Variants in TG observed in about 807,000 individuals in gnomAD.
TG encodes the protein thyroglobulin, also known as thyroid hormones.
TG carries 270 observed loss-of-function variants against 324.7 expected under a neutral mutation model. The observed-to-expected ratio is 0.83, with a 90% CI of 0.75 to 0.92. The LOEUF (loss-of-function observed/expected upper bound fraction) is 0.92. Ranked by LOEUF, TG falls within the 40% of genes least tolerant of loss-of-function variation. The pLI, the probability that TG is intolerant of heterozygous loss-of-function variation, is 0.00. For synonymous variants in TG, 1,401 were observed against 1,327.0 expected (o/e 1.06, Z -1.21); for missense variants, 3,591 against 3,456.4 (o/e 1.04, Z -0.98).
intron 45 of TG, among the ~76,000 whole-genome samples, chr8:133,129,110 C>T (rs1406908741): frequency 6.6e-6 from 1 of 152,242 alleles, no homozygotes; most frequent in East Asian, 1.9e-4. Context: ...CAGATTCCCT[C>T]TTCAGAGGCT....
intron 5 of TG, among the ~76,000 whole-genome samples, chr8:132,874,751 G>T (rs1839805075): frequency 6.6e-6 from 1 of 152,178 alleles, no homozygotes; most frequent in Non-Finnish European, 1.5e-5. Context: ...AGTTGAACAT[G>T]AGAAGTTTCA....
chr8:132,886,933 C>A lies in TG; in HGVS notation c.1561C>A (p.Pro521Thr). ...AGGGAGACAAGAAGATTTGGCCAAG[C>A]CACTCTCTGTGGGATTAGATTCAAA... ...NGGRQEDLAK[P>T]LSVGLDSNSS... Residue 521 changes from proline (P) to threonine (T), a missense_variant, in exon 9 of 48, where the codon CCA becomes ACA. Physicochemically the swap from Pro to Thr is conservative, Grantham distance 38 (BLOSUM62 -1). Coordinates refer to ENST00000220616, the MANE Select transcript of TG (RefSeq NM_003235.5). 1 of 1,614,156 alleles carries A rather than the reference C, an allele frequency of 6.2e-7. No individual in the cohort carries two copies. Among genetic ancestry groups the A allele is most frequent in the Non-Finnish European group, 8.5e-7 (1 of 1,180,044 alleles).
Position 133,113,432 on chromosome 8 carries a change from A to G in TG, c.7583A>G (p.Glu2528Gly). The G allele has an allele frequency of 6.2e-7, 1 of 1,613,934 alleles. No individual in the cohort carries two copies. The highest frequency in any genetic ancestry group is 8.5e-7 in the Non-Finnish European group (1 of 1,179,990). Reference sequence around the variant, plus strand: ...TTTTTTTTTTTCTAGCAATTTGAGGAAAGTCGAGGCCGGACCAGTAGCAAA... The same window carrying G: ...TTTTTTTTTTTCTAGCAATTTGAGGGAAGTCGAGGCCGGACCAGTAGCAAA... ...NRAKAVKQFE[E>G]SRGRTSSKTA... The change falls in exon 44 of 48, where the codon GAA becomes GGA. Residue 2528 changes from glutamate (E) to glycine (G), a missense_variant. Glu to Gly is a moderately conservative substitution (Grantham distance 98). Coordinates refer to ENST00000220616, the MANE Select transcript of TG (RefSeq NM_003235.5).
intron 41 of TG, among the ~76,000 whole-genome samples, chr8:133,068,365 G>A (rs1293410174): frequency 6.6e-6 from 1 of 152,220 alleles, no homozygotes; most frequent in Admixed American, 6.5e-5. Flanking sequence ...CTAACAGAGA[G>A]GCTGGGCTTT....
chr8:133,093,929 C>G (rs754092309), intron 41 of TG, among the ~76,000 whole-genome samples: 1 of 152,116 alleles, frequency 6.6e-6, no homozygotes, highest in Non-Finnish European at 1.5e-5. Context: ...GTGAGTTTGT[C>G]GGAGCCCTCA....
intron 35 of TG, among the ~76,000 whole-genome samples, chr8:133,006,171 C>T (rs1424837166): frequency 1.3e-5 from 2 of 152,194 alleles, no homozygotes; most frequent in Non-Finnish European, 2.9e-5. Flanking sequence ...AAGGGACTTG[C>T]CTGAGGACAC....
intron 21 of TG, among the ~76,000 whole-genome samples, chr8:132,920,173 T>C (rs1820912317): frequency 6.6e-6 from 1 of 152,228 alleles, no homozygotes. Context: ...TATGTATGGG[T>C]GGCCTTCCCA....
At chr8:133,110,828 C>G (rs1850193044) in intron 43 of TG, among the ~76,000 whole-genome samples, 1 of 152,210 alleles carries the variant, frequency 6.6e-6, no homozygotes, top group African/African-American at 2.4e-5. Context: ...GTTGCCAGCT[C>G]CAGGCCATTG....
rs757130341 is a variant in TG, at chr8:132,922,766, A to G, written c.4529-572A>G. ...ACTGTGCCCTCACATGCTGGGAGGA[A>G]CAAATGAGCCCCCTTGGGCCTCTTT... On this transcript the variant is annotated intron_variant, in intron 21 of 47. Coordinates refer to ENST00000220616, the MANE Select transcript of TG (RefSeq NM_003235.5). 2.8e-4 allele frequency among the ~76,000 whole-genome samples: 42 copies of G among 152,206 alleles called. 1 individual carries two copies. The highest frequency in any genetic ancestry group is 1.5e-4 in the Non-Finnish European group (10 of 68,042).
chr8:133,131,236 G>A (rs990835376), intron 45 of TG, among the ~76,000 whole-genome samples: 11 of 152,198 alleles, frequency 7.2e-5, no homozygotes, highest in African/African-American at 2.7e-4. Context: ...CACTGGACTG[G>A]CTTCCAAGTC....
Position 133,011,941 on chromosome 8 carries a change from G to A in TG, c.6303G>A (p.Val2101=). The change falls in exon 36 of 48, where the codon GTG becomes GTA. Residue 2101 remains valine (V), a synonymous_variant. Transcript: ENST00000220616. ...GGCAGTCCCTGGCCCTCTCTTCAGT[G>A]GTTGTTGATCCATCCATTAGGCACT... is the stretch of plus-strand genomic sequence containing the variant. ...DSWQSLALSS[V]VVDPSIRHFD... The A allele has an allele frequency of 6.2e-7, 1 of 1,614,170 alleles. No homozygotes were observed. The highest frequency in any genetic ancestry group is 8.5e-7 in the Non-Finnish European group (1 of 1,180,040).
In TG at chr8:132,948,786, C is replaced by G. The variant is rs367877691; in HGVS notation, c.5244C>G (p.Ile1748Met). 6.2e-7 allele frequency: 1 copy of G among 1,613,748 alleles called. No individual in the cohort carries two copies. The highest frequency in any genetic ancestry group is 1.3e-5 in the African/African-American group (1 of 74,902). Residue 1748 changes from isoleucine (I) to methionine (M), a missense_variant, in exon 27 of 48, where the codon ATC becomes ATG. Coordinates refer to ENST00000220616, the MANE Select transcript of TG (RefSeq NM_003235.5). ...VLTQVQGGAI[I>M]CGLLSSPSVL... ...TCTTGTGATTCTCAGGTGCCATCAT[C>G]TGTGGGTTGCTGAGCTCACCCAGTG...
intron 41 of TG, among the ~76,000 whole-genome samples, chr8:133,040,539 C>A (rs1331133786): frequency 1.3e-5 from 2 of 152,208 alleles, no homozygotes; most frequent in East Asian, 1.9e-4. Context: ...CCCGCAAATG[C>A]CCAATCCATT....
At chr8:133,062,309 C>A (rs1332643634) in intron 41 of TG, among the ~76,000 whole-genome samples, 1 of 152,228 alleles carries the variant, frequency 6.6e-6, no homozygotes, top group Non-Finnish European at 1.5e-5. Flanking sequence ...AACAGCAACA[C>A]CTGCAGTCCA....
chr8:133,125,088 A>G (rs1417743116), intron 45 of TG, among the ~76,000 whole-genome samples: 1 of 152,208 alleles, frequency 6.6e-6, no homozygotes, highest in East Asian at 1.9e-4. Context: ...ATCTTCTTCA[A>G]CATTGATTTG....
chr8:133,096,093 T>TAG (rs1303030575), intron 42 of TG, 113 bp from the exon 43 acceptor site: 1 of 1,344,432 alleles, frequency 7.4e-7, no homozygotes, highest in Admixed American at 1.7e-5. Context: ...TTTTTCTCAG[T>TAG]AGAGTCATAG....
intron 41 of TG, among the ~76,000 whole-genome samples, chr8:133,065,152 CCAA>C (rs1213878886): frequency 6.6e-6 from 1 of 152,180 alleles, no homozygotes; most frequent in East Asian, 1.9e-4. Context: ...TATGTGAATG[CCAA>C]CAACAACGGT....
rs1328876779 is a variant in TG, at chr8:133,065,192, A to G, written c.7240-29852A>G. Among the ~76,000 whole-genome samples, 4 of 152,260 alleles carry G rather than the reference A, an allele frequency of 2.6e-5. No homozygotes were observed. The East Asian group carries it at 5.8e-4, about 22-fold the overall frequency. On this transcript the variant is annotated intron_variant, in intron 41 of 47. Transcript: ENST00000220616. Reference sequence around the variant, plus strand: ...ATGACCAGAACACCCCCATCCCACAATTGGTCAGCAAGCATCCTCTGCCAG... The same window carrying G: ...ATGACCAGAACACCCCCATCCCACAGTTGGTCAGCAAGCATCCTCTGCCAG...
At chr8:133,096,710 G>C (rs895493679) in intron 43 of TG, among the ~76,000 whole-genome samples, 2 of 152,202 alleles carry the variant, frequency 1.3e-5, no homozygotes, top group African/African-American at 2.4e-5. Context: ...GTTGTACTGA[G>C]AACTGAGAGA....
Sources: allele counts gnomAD v4.1 joint callset (sites outside exome capture counted in the v4.1 genomes callset), GRCh38; gene constraint gnomAD v4.1.1; transcripts MANE v1.5; gene names NCBI Gene and HGNC (gene_info 2026-07-23, HGNC 2026-07-21).